CIT: variants seen among roughly 807,000 people sequenced by gnomAD.
CIT encodes the protein citron Rho-interacting kinase.
In CIT, 79 loss-of-function variants were observed where a neutral mutation model predicts 272.7. The observed-to-expected ratio is 0.29, with a 90% confidence interval of 0.24 to 0.35. The LOEUF (loss-of-function observed/expected upper bound fraction) is 0.35. Among genes scored for constraint, CIT ranks in the 10% least tolerant of loss-of-function variants. The probability of loss-of-function intolerance (pLI) is 1.00; values close to 1 mark genes in which losing one functional copy is unlikely to be tolerated. For synonymous variants in CIT, 948 were observed against 995.6 expected (o/e 0.95, Z 0.90); for missense variants, 1,909 against 2,618.3 (o/e 0.73, Z 5.91).
chr12:119,815,034 T>C (rs1245047756), intron 9 of CIT, among the ~76,000 whole-genome samples: 1 of 127,186 alleles, frequency 7.9e-6, no homozygotes, highest in African/African-American at 3.1e-5. Flanking sequence ...GAAGACTCTG[T>C]CTCAAAAAAA....
At chr12:119,701,811 T>G (rs1211635207) in intron 42 of CIT, 39 bp downstream of exon 42, 1 of 1,614,170 alleles carries the variant, frequency 6.2e-7, no homozygotes, top group East Asian at 2.2e-5. Flanking sequence ...CAGCGCGGCC[T>G]GAGCCATGGG....
At chr12:119,796,628 C>T (rs1007129415) in intron 10 of CIT, among the ~76,000 whole-genome samples, 48 of 152,104 alleles carry the variant, frequency 3.2e-4, no homozygotes, top group African/African-American at 1.1e-3. Flanking sequence ...GGTAAAACAT[C>T]CTGGTGATGA....
chr12:119,725,197 C>A (rs938455701), intron 28 of CIT, among the ~76,000 whole-genome samples: 1 of 151,816 alleles, frequency 6.6e-6, no homozygotes. Flanking sequence ...CTGAGGTGGG[C>A]GGATCATTTG....
At chr12:119,792,076 T>C (rs971197728) in intron 10 of CIT, among the ~76,000 whole-genome samples, 1 of 152,216 alleles carries the variant, frequency 6.6e-6, no homozygotes, top group African/African-American at 2.4e-5. Context: ...CAAAAGAGAA[T>C]ACAATGTGTA....
chr12:119,735,608 CAA>C (rs1958708561), intron 24 of CIT, among the ~76,000 whole-genome samples: 1 of 152,122 alleles, frequency 6.6e-6, no homozygotes. Context: ...ATGGCAAAAG[CAA>C]TCAAAAGTAA....
chr12:119,834,098 C>G lies in CIT; in HGVS notation c.647G>C (p.Gly216Ala), dbSNP rs770401225. 1.2e-6 allele frequency: 2 copies of G among 1,611,660 alleles called. No homozygotes were observed. Among genetic ancestry groups the G allele is most frequent in the Non-Finnish European group, 1.7e-6 (2 of 1,179,372 alleles). ...ILAVHSVHLMGYVHRDIKPEN... is the reference protein window; with the variant it reads ...ILAVHSVHLMAYVHRDIKPEN... ...GAGTCTCACTTACCGATGCACGTAT[C>G]CCATCAGATGAACGCTGTGAACAGC... Residue 216 changes from glycine to alanine, a missense_variant, in exon 6 of 48, where the codon GGA becomes GCA. Physicochemically the swap from Gly to Ala is moderately conservative, Grantham distance 60. Around this residue, in one of 8 missense-constraint regions of CIT, gnomAD observed 529 missense variants for 549.6 expected, o/e 0.96. Transcript: ENST00000392521.
chr12:119,702,580 A>C (rs532533059), intron 41 of CIT, among the ~76,000 whole-genome samples: 2 of 152,186 alleles, frequency 1.3e-5, no homozygotes, highest in East Asian at 3.9e-4. Flanking sequence ...CCAGTTACTC[A>C]GGAGGCTGAG....
chr12:119,804,297 C>G lies in CIT; in HGVS notation c.1112-908G>C, dbSNP rs1490267343. On this transcript the variant is annotated intron_variant, in intron 9 of 47. Transcript: ENST00000392521. This position sits in a 1 kb window ranked among gnomAD's most constrained non-coding sequence, Gnocchi z 5.3. Reference sequence around the variant, plus strand: ...GAGGCTGCCCATCGCGGTGGGCTCCCGGGGGTGTCCCCCGCCAGAAACGTT... The same window carrying G: ...GAGGCTGCCCATCGCGGTGGGCTCCGGGGGGTGTCCCCCGCCAGAAACGTT... The G allele has an allele frequency of 3.0e-6, 3 of 985,386 alleles. No individual in the cohort carries two copies. Among genetic ancestry groups the G allele is most frequent in the South Asian group, 9.4e-5 (2 of 21,294 alleles). The allele number at this position is 985,386 out of a possible 1,614,324, so 61.0% of individuals were successfully genotyped here.
At chr12:119,754,109 T>C (rs549290304) in intron 22 of CIT, among the ~76,000 whole-genome samples, 1 of 152,258 alleles carries the variant, frequency 6.6e-6, no homozygotes, top group South Asian at 2.1e-4. Flanking sequence ...CACAACACAC[T>C]GGGCCCTGAA....
In CIT at chr12:119,690,365, T is replaced by G; in HGVS notation, c.5972A>C (p.His1991Pro). The G allele has an allele frequency of 6.3e-7, 1 of 1,598,036 alleles. No homozygotes were observed. The change falls in exon 47 of 48, where the codon CAC becomes CCC. Residue 1991 changes from histidine (H) to proline (P), a missense_variant. Physicochemically the swap from His to Pro is moderately conservative, Grantham distance 77. Coordinates refer to ENST00000392521, the MANE Select transcript of CIT (RefSeq NM_001206999.2). This position sits in a 1 kb window ranked among gnomAD's most constrained non-coding sequence, Gnocchi z 6.0. ...SSPAPPEGPS[H>P]PREPSTPHRY... The stretch of plus-strand genomic sequence containing the variant: ...GTGGGGTGTGCTTGGCTCTCGCGGG[T>G]GGCTGGGGCCTTCGGGCGGCGCTGG...
At chr12:119,801,321 T>C (rs1057075429) in intron 10 of CIT, among the ~76,000 whole-genome samples, 8 of 152,186 alleles carry the variant, frequency 5.3e-5, no homozygotes, top group Admixed American at 2.0e-4. Flanking sequence ...TGCCTCAGCC[T>C]TAATACTGAG....
intron 23 of CIT, among the ~76,000 whole-genome samples, chr12:119,746,110 C>G (rs992235905): frequency 1.3e-5 from 2 of 152,134 alleles, no homozygotes; most frequent in Non-Finnish European, 2.9e-5. Flanking sequence ...GACCACACAA[C>G]CCCCTTTAGT....
intron 23 of CIT, among the ~76,000 whole-genome samples, chr12:119,748,268 A>G (rs1389527523): frequency 6.6e-6 from 1 of 152,204 alleles, no homozygotes; most frequent in African/African-American, 2.4e-5. Flanking sequence ...ATGTGGACGG[A>G]CAGGTTGCAG....
rs774470047 is a variant in CIT at position 119,752,270 on chromosome 12, A to G, written c.2707-23T>C. ...GACCTGAGACAGAGAGAGAGAGAGAAAGAGAGATAAACCCTTGCTTGGTCT... is the reference window on the plus strand; with the variant it reads ...GACCTGAGACAGAGAGAGAGAGAGAGAGAGAGATAAACCCTTGCTTGGTCT... On this transcript the variant is annotated intron_variant, in intron 22 of 47. Transcript: ENST00000392521. 33 of 1,493,012 alleles carry G rather than the reference A, an allele frequency of 2.2e-5. No homozygotes were observed. In the Admixed American group the frequency reaches 3.9e-4, roughly 18 times the overall value. The allele number at this position is 1,493,012 out of a possible 1,614,324, so 92.5% of individuals were successfully genotyped here.
chr12:119,709,388 C>T (rs2137042316), intron 39 of CIT, among the ~76,000 whole-genome samples: 1 of 151,750 alleles, frequency 6.6e-6, no homozygotes, highest in African/African-American at 2.4e-5. Context: ...GGAGGCTATG[C>T]ATATATGAGA....
At chr12:119,847,332 G>A (rs1021931375) in intron 5 of CIT, among the ~76,000 whole-genome samples, 3 of 152,182 alleles carry the variant, frequency 2.0e-5, no homozygotes, top group Non-Finnish European at 2.9e-5. Flanking sequence ...AGTGGCTCAC[G>A]CCTATAACCC....
intron 3 of CIT, among the ~76,000 whole-genome samples, chr12:119,866,202 C>T (rs1288515915): frequency 6.6e-6 from 1 of 152,102 alleles, no homozygotes; most frequent in Admixed American, 6.6e-5. Context: ...GGTGTGGTAG[C>T]CAGTCTCCAA....
chr12:119,829,937 T>C (rs879416236), intron 7 of CIT, among the ~76,000 whole-genome samples: 2 of 151,970 alleles, frequency 1.3e-5, no homozygotes, highest in Non-Finnish European at 2.9e-5. Flanking sequence ...GTAAGTAATA[T>C]ATGGTAGTTC....
chr12:119,807,133 C>G (rs945764009), intron 9 of CIT, among the ~76,000 whole-genome samples: 10 of 152,198 alleles, frequency 6.6e-5, no homozygotes, highest in African/African-American at 2.4e-4. Flanking sequence ...GAATCAGAAC[C>G]TACGTTGTAA....
Sources: gnomAD v4.1 joint callset for allele counts (sites outside exome capture counted in the v4.1 genomes callset) on GRCh38, gnomAD v4.1.1 for gene constraint, gnomAD v4.1.1 regional missense constraint, Gnocchi (gnomAD v3.1) non-coding constraint, MANE v1.5 for transcripts, NCBI Gene and HGNC (gene_info 2026-07-23, HGNC 2026-07-21) for gene names.